Variants in NR3C2 observed in about 807,000 individuals in gnomAD.
The protein encoded by NR3C2 is nuclear receptor subfamily 3 group C member 2, also known as mineralocorticoid receptor.
Under a neutral mutation model 86.4 loss-of-function variants are expected in NR3C2, and 15 were observed. That is an observed-to-expected ratio of 0.17 (90% CI 0.12 to 0.27). The LOEUF is 0.27. Among genes scored for constraint, NR3C2 ranks in the 10% least tolerant of loss-of-function variants. NR3C2 has a pLI of 1.00. For missense variants in NR3C2, 960 were observed against 1,195.6 expected (o/e 0.80, Z 2.91); for synonymous variants, 458 against 450.5 (o/e 1.02, Z -0.21).
chr4:148,115,609 G>A (rs1267623665), intron 7 of NR3C2, among the ~76,000 whole-genome samples: 5 of 152,112 alleles, frequency 3.3e-5, no homozygotes, highest in African/African-American at 9.7e-5. Flanking sequence ...TGCAACCCTG[G>A]AAGCCAGGCA....
intron 2 of NR3C2, among the ~76,000 whole-genome samples, chr4:148,319,169 C>G (rs1743406193): frequency 6.6e-6 from 1 of 151,382 alleles, no homozygotes; most frequent in African/African-American, 2.4e-5. Flanking sequence ...TCAGGTTTGT[C>G]AAAGATCAGA....
At chr4:148,209,850 G>T (rs1032998010) in intron 3 of NR3C2, among the ~76,000 whole-genome samples, 1 of 152,172 alleles carries the variant, frequency 6.6e-6, no homozygotes, top group South Asian at 2.1e-4. Context: ...AATGCTAGAA[G>T]TTCCTAGAAT....
intron 2 of NR3C2, among the ~76,000 whole-genome samples, chr4:148,288,997 G>A (rs77058339): frequency 3.2e-3 from 488 of 152,134 alleles, no homozygotes; most frequent in Non-Finnish European, 5.6e-3. Flanking sequence ...GGTGCAATAG[G>A]GGAATCCAGT....
At chr4:148,204,405 T>C (rs571952612) in intron 3 of NR3C2, among the ~76,000 whole-genome samples, 1 of 152,308 alleles carries the variant, frequency 6.6e-6, no homozygotes, top group Non-Finnish European at 1.5e-5. Context: ...GAAAGGGAAC[T>C]AGCATTTGTT....
Position 148,436,372 on chromosome 4 carries a change from T to C in NR3C2, c.489A>G (p.Ser163=). 6.2e-7 allele frequency: 1 copy of C among 1,614,178 alleles called. No homozygotes were observed. The highest frequency in any genetic ancestry group is 8.5e-7 in the Non-Finnish European group (1 of 1,180,040). Residue 163 remains serine, a synonymous_variant, in exon 2 of 9, where the codon TCA becomes TCG. Transcript: ENST00000358102. The stretch of plus-strand genomic sequence containing the variant: ...CGGAGCTCCCAGAGTCAGACATAAA[T>C]GATCTCAAGGGCGTGTTCACACAAC... ...TLSCVNTPLR[S]FMSDSGSSVN...
intron 6 of NR3C2, among the ~76,000 whole-genome samples, chr4:148,125,769 A>C (rs1028147067): frequency 1.3e-5 from 2 of 152,244 alleles, no homozygotes; most frequent in African/African-American, 4.8e-5. Flanking sequence ...ATTTCTCATG[A>C]ATGAATGATA....
chr4:148,121,727 T>C (rs1732512155), intron 6 of NR3C2, among the ~76,000 whole-genome samples: 1 of 152,192 alleles, frequency 6.6e-6, no homozygotes, highest in Non-Finnish European at 1.5e-5. Context: ...AATTTGAAAT[T>C]AGATATGCAC....
At chr4:148,370,424 TAA>T (rs1746358530) in intron 2 of NR3C2, among the ~76,000 whole-genome samples, 1 of 152,250 alleles carries the variant, frequency 6.6e-6, no homozygotes, top group Non-Finnish European at 1.5e-5. Flanking sequence ...TTTATTTTGT[TAA>T]AGTTTTTTCT....
chr4:148,314,375 G>A (rs1200442099), intron 2 of NR3C2, among the ~76,000 whole-genome samples: 4 of 152,070 alleles, frequency 2.6e-5, no homozygotes, highest in African/African-American at 9.7e-5. Flanking sequence ...TAAAATATTA[G>A]AACTCTTTGC....
At chr4:148,240,876 T>G (rs906310821) in intron 3 of NR3C2, among the ~76,000 whole-genome samples, 1 of 152,202 alleles carries the variant, frequency 6.6e-6, no homozygotes, top group Non-Finnish European at 1.5e-5. Context: ...AGCTGCTAAG[T>G]GCTGTGCCTG....
chr4:148,085,206 A>T (rs750737830), intron 8 of NR3C2, among the ~76,000 whole-genome samples: 71 of 152,206 alleles, frequency 4.7e-4, no homozygotes, highest in African/African-American at 6.5e-4. Context: ...CATTCTTCTC[A>T]GCACCTCATC....
At chr4:148,083,609 G>A (rs1730678270) in intron 8 of NR3C2, among the ~76,000 whole-genome samples, 3 of 152,040 alleles carry the variant, frequency 2.0e-5, no homozygotes, top group Non-Finnish European at 4.4e-5. Context: ...CTGAAAATTC[G>A]AAAAACCAGA....
intron 4 of NR3C2, among the ~76,000 whole-genome samples, chr4:148,183,314 T>C (rs1167352127): frequency 2.0e-5 from 3 of 152,246 alleles, no homozygotes; most frequent in Non-Finnish European, 2.9e-5. Context: ...TAGCATGATT[T>C]ATAATCCTTT....
intron 8 of NR3C2, among the ~76,000 whole-genome samples, chr4:148,090,828 C>T (rs76250937): frequency 0.021 from 3,198 of 152,342 alleles, 124 homozygotes; most frequent in African/African-American, 0.071. Context: ...GAAAGCAGCT[C>T]ATCCCCAGTC....
intron 3 of NR3C2, among the ~76,000 whole-genome samples, chr4:148,197,674 G>GT: frequency 6.6e-6 from 1 of 152,252 alleles, no homozygotes; most frequent in Admixed American, 6.5e-5. Flanking sequence ...ATTTGTTACT[G>GT]TAACAACCCA....
intron 4 of NR3C2, among the ~76,000 whole-genome samples, chr4:148,164,538 A>G (rs1368360539): frequency 6.6e-6 from 1 of 152,232 alleles, no homozygotes; most frequent in Non-Finnish European, 1.5e-5. Flanking sequence ...CAAGCAAAAA[A>G]GAAAACCTCT....
chr4:148,190,517 G>A (rs1405874034), intron 4 of NR3C2, among the ~76,000 whole-genome samples: 1 of 152,200 alleles, frequency 6.6e-6, no homozygotes, highest in African/African-American at 2.4e-5. Context: ...GCAGTTGCTG[G>A]ATGAAATGTT....
At chr4:148,341,194 C>T (rs966655378) in intron 2 of NR3C2, among the ~76,000 whole-genome samples, 2 of 152,024 alleles carry the variant, frequency 1.3e-5, no homozygotes, top group African/African-American at 2.4e-5. Context: ...ATTCAATAGC[C>T]GTGATACGTA....
chr4:148,308,784 G>A (rs1021752636), intron 2 of NR3C2, among the ~76,000 whole-genome samples: 4 of 152,130 alleles, frequency 2.6e-5, no homozygotes, highest in South Asian at 2.1e-4. Context: ...TCAGGAGTTC[G>A]AGACCAGCCT....
Sources: gnomAD v4.1 joint callset for allele counts (sites outside exome capture counted in the v4.1 genomes callset) on GRCh38, gnomAD v4.1.1 for gene constraint, MANE v1.5 for transcripts, NCBI Gene and HGNC (gene_info 2026-07-23, HGNC 2026-07-21) for gene names.